STK40: variants seen among roughly 807,000 people sequenced by gnomAD.
STK40 encodes serine/threonine-protein kinase 40.
A neutral mutation model predicts 47.9 loss-of-function variants in STK40; 13 were observed. The ratio of observed to expected loss-of-function variants is 0.27; its 90% CI spans 0.18 to 0.43. STK40 has a LOEUF of 0.43. Ranked by LOEUF, STK40 falls within the 20% of genes least tolerant of loss-of-function variation. STK40 has a pLI of 1.00. For synonymous variants in STK40, 225 were observed against 243.2 expected, an observed-to-expected ratio of 0.93 and a Z score of 0.69; for missense variants, 460 against 595.1, an observed-to-expected ratio of 0.77 and a Z score of 2.36.
chr1:36,369,876 G>C (rs1323765156), intron 1 of STK40, among the ~76,000 whole-genome samples: 1 of 152,252 alleles, frequency 6.6e-6, no homozygotes, highest in Non-Finnish European at 1.5e-5. Flanking sequence ...AAGGCACCAT[G>C]GTCCCTGCTG....
rs959419537 is a variant in STK40 at position 36,354,436 on chromosome 1, T to C, written c.571-20A>G. 5.0e-6 allele frequency: 8 copies of C among 1,613,616 alleles called. No homozygotes were observed. The highest frequency in any genetic ancestry group is 1.7e-5 in the Admixed American group (1 of 60,004). On this transcript the variant is annotated intron_variant, in intron 5 of 10. Transcript: ENST00000373132. ...ATTTTTCTGTAAAACAACAGGCGTA[T>C]GGTTTACATTGTCAATGTGAGAGGT...
At chr1:36,349,889 T>C (rs927219895) in intron 6 of STK40, among the ~76,000 whole-genome samples, 1 of 151,912 alleles carries the variant, frequency 6.6e-6, no homozygotes, top group African/African-American at 2.4e-5. Context: ...GCTGGCTGGG[T>C]GGAGAAGCTA....
chr1:36,366,407 A>G (rs1557518680), intron 1 of STK40, among the ~76,000 whole-genome samples: 1 of 152,022 alleles, frequency 6.6e-6, no homozygotes, highest in Non-Finnish European at 1.5e-5. Context: ...CCTTCCTGCC[A>G]CCCCTTCATG....
chr1:36,364,727 G>A (rs1646886770), intron 1 of STK40, among the ~76,000 whole-genome samples: 2 of 152,012 alleles, frequency 1.3e-5, no homozygotes, highest in South Asian at 4.1e-4. Context: ...GGGAGGCTGA[G>A]GCGGGAGGAT....
At chr1:36,353,194 C>T (rs1646774757) in intron 6 of STK40, among the ~76,000 whole-genome samples, 1 of 152,238 alleles carries the variant, frequency 6.6e-6, no homozygotes, top group Non-Finnish European at 1.5e-5. Flanking sequence ...AGCCCTTCAA[C>T]CTGCTCAATG....
chr1:36,382,956 CT>C (rs1216839406), intron 1 of STK40, among the ~76,000 whole-genome samples: 3 of 151,298 alleles, frequency 2.0e-5, no homozygotes, highest in African/African-American at 2.4e-5. Context: ...GCCAAATAAG[CT>C]TTTTTTTTGA....
intron 1 of STK40, among the ~76,000 whole-genome samples, chr1:36,366,658 C>G (rs1156385338): frequency 1.3e-5 from 2 of 152,102 alleles, no homozygotes; most frequent in African/African-American, 4.8e-5. Context: ...ACAGTGAGAT[C>G]TGTGATGATG....
At chr1:36,347,696 A>AG (rs1347208085) in intron 7 of STK40, among the ~76,000 whole-genome samples, 1 of 145,730 alleles carries the variant, frequency 6.9e-6, no homozygotes, top group Non-Finnish European at 1.5e-5. Flanking sequence ...TCTGTTGCCC[A>AG]GGCTGGAGTG....
rs1646823544 is a variant in STK40, at chr1:36,358,394, C to G, written c.199-12G>C. On this transcript the variant is annotated splice_polypyrimidine_tract_variant and intron_variant, in intron 3 of 10. Coordinates refer to ENST00000373132, the MANE Select transcript of STK40 (RefSeq NM_001282547.2). The stretch of plus-strand genomic sequence containing the variant: ...TCCAGGGTCAGGATCTTTAGGAAAG[C>G]ATAAAAATAAAACCAAAACCAGAAC... 3 of 1,584,110 alleles carry G rather than the reference C, an allele frequency of 1.9e-6. No individual in the cohort carries two copies. In the African/African-American group the frequency reaches 4.0e-5, roughly 21 times the overall value.
intron 3 of STK40, 113 bp from the exon 4 acceptor site, chr1:36,358,495 G>T: frequency 7.1e-7 from 1 of 1,408,780 alleles, no homozygotes; most frequent in Non-Finnish European, 9.6e-7. Context: ...TGTGCACAAT[G>T]CACACACAAA....
chr1:36,360,509 CATTTTATTTTATTTTATTTT>C (rs72384228), intron 2 of STK40, among the ~76,000 whole-genome samples: 5 of 148,976 alleles, frequency 3.4e-5, no homozygotes, highest in East Asian at 2.0e-4. Flanking sequence ...CTTGGGTTTT[CATTTTATTTTATTTTATTTT>C]ATTTTATTTT....
Position 36,348,822 on chromosome 1 carries a change from G to A in STK40, c.624-7C>T. On this transcript the variant is annotated splice_polypyrimidine_tract_variant and splice_region_variant and intron_variant, in intron 6 of 10. Transcript: ENST00000373132. Reference sequence around the variant, plus strand: ...GATGGTTATCCGATGTGTCCTAGGAGTGGGAGACAGAGTGAACAAACCTCA... The same window carrying A: ...GATGGTTATCCGATGTGTCCTAGGAATGGGAGACAGAGTGAACAAACCTCA... 6.3e-7 allele frequency: 1 copy of A among 1,594,232 alleles called. No individual in the cohort carries two copies. Among genetic ancestry groups the A allele is most frequent in the Non-Finnish European group, 8.6e-7 (1 of 1,169,214 alleles).
rs1646628143 is a variant in STK40, at chr1:36,339,733, A to G, written c.*2022T>C. The G allele has an allele frequency of 6.5e-6, 1 of 152,692 alleles. No homozygotes were observed. Among genetic ancestry groups the G allele is most frequent in the Admixed American group, 6.5e-5 (1 of 15,292 alleles). The allele number at this position is 152,692 out of a possible 1,614,324, so 9.5% of individuals were successfully genotyped here. A position where few individuals can be genotyped will look rare whatever the true frequency, so the allele number is the denominator to read the frequency against. On this transcript the variant is annotated 3_prime_UTR_variant, in exon 11 of 11. Transcript: ENST00000373132. ...TTGTGACTTTTTCCGTTTCTTTACA[A>G]TAGGACTTCTCTCAGTGTGTGACAC...
chr1:36,384,539 G>A (rs1195154724), intron 1 of STK40, among the ~76,000 whole-genome samples: 2 of 152,200 alleles, frequency 1.3e-5, no homozygotes, highest in African/African-American at 2.4e-5. Flanking sequence ...AAGACACTGA[G>A]GCACAGGGAG....
intron 1 of STK40, among the ~76,000 whole-genome samples, chr1:36,366,448 G>A (rs891906460): frequency 1.3e-5 from 2 of 152,166 alleles, no homozygotes; most frequent in African/African-American, 4.8e-5. Flanking sequence ...CAAAGGAAGC[G>A]TCATGAAGAG....
At chr1:36,369,526 C>T (rs374136880) in intron 1 of STK40, among the ~76,000 whole-genome samples, 65 of 152,262 alleles carry the variant, frequency 4.3e-4, no homozygotes, top group Middle Eastern at 3.4e-3. Flanking sequence ...GACACAATCC[C>T]GAGTATGCCA....
chr1:36,361,818 C>T (rs1646854916), intron 1 of STK40, among the ~76,000 whole-genome samples: 1 of 152,154 alleles, frequency 6.6e-6, no homozygotes, highest in South Asian at 2.1e-4. Context: ...TGGCCCGTAT[C>T]TGGACAGTGG....
chr1:36,363,714 C>T (rs1383156856), intron 1 of STK40, among the ~76,000 whole-genome samples: 2 of 150,358 alleles, frequency 1.3e-5, no homozygotes, highest in Non-Finnish European at 2.9e-5. Flanking sequence ...ACTTGGAAGG[C>T]TGAGGCAGGA....
intron 2 of STK40, among the ~76,000 whole-genome samples, chr1:36,359,724 TTAACA>T (rs1457018055): frequency 5.3e-5 from 8 of 152,232 alleles, no homozygotes; most frequent in Admixed American, 5.2e-4. Flanking sequence ...CCCACTGCTC[TTAACA>T]TACCACCCAA....
Sources: gnomAD v4.1 joint callset for allele counts (sites outside exome capture counted in the v4.1 genomes callset) on GRCh38, gnomAD v4.1.1 for gene constraint, MANE v1.5 for transcripts, NCBI Gene and HGNC (gene_info 2026-07-23, HGNC 2026-07-21) for gene names.